Variants in ADK observed in about 807,000 individuals in gnomAD.
ADK encodes adenosine kinase.
In ADK, 24 loss-of-function variants were observed where a neutral mutation model predicts 44.7. The observed-to-expected ratio is 0.54, with a 90% CI of 0.39 to 0.76. ADK has a LOEUF of 0.76. Among genes scored for constraint, ADK ranks in the 30% least tolerant of loss-of-function variants. The probability of loss-of-function intolerance (pLI) is 0.00; values close to 1 mark genes in which losing one functional copy is unlikely to be tolerated. For missense variants in ADK, 321 were observed against 425.1 expected (o/e 0.76, Z 2.15); for synonymous variants, 128 against 142.6 (o/e 0.90, Z 0.73).
intron 4 of ADK, among the ~76,000 whole-genome samples, chr10:74,379,713 C>T (rs941526801): frequency 3.3e-5 from 5 of 152,176 alleles, no homozygotes; most frequent in East Asian, 1.9e-4. Context: ...GCATGTTTCA[C>T]GTCTCAGTTT....
chr10:74,704,011 G>A (rs1462521447), intron 10 of ADK, among the ~76,000 whole-genome samples: 1 of 152,062 alleles, frequency 6.6e-6, no homozygotes, highest in Non-Finnish European at 1.5e-5. Context: ...TACATTTTAA[G>A]CAGGCTAATA....
At chr10:74,477,757 A>T (rs1467577606) in intron 6 of ADK, among the ~76,000 whole-genome samples, 2 of 152,150 alleles carry the variant, frequency 1.3e-5, no homozygotes, top group Non-Finnish European at 2.9e-5. Flanking sequence ...TATAACATTT[A>T]TATTGTTCTG....
At chr10:74,295,123 C>G (rs1166954436) in intron 3 of ADK, among the ~76,000 whole-genome samples, 2 of 151,544 alleles carry the variant, frequency 1.3e-5, no homozygotes, top group African/African-American at 4.8e-5. Context: ...TCCCAAAGTT[C>G]TGGTATTCAT....
chr10:74,392,281 A>G (rs2132038746), intron 4 of ADK, among the ~76,000 whole-genome samples: 1 of 152,306 alleles, frequency 6.6e-6, no homozygotes, highest in East Asian at 1.9e-4. Flanking sequence ...TTCCACCAAC[A>G]CTGCACAAGG....
chr10:74,406,546 A>T (rs1244676914), intron 6 of ADK, among the ~76,000 whole-genome samples: 1 of 150,644 alleles, frequency 6.6e-6, no homozygotes, highest in Non-Finnish European at 1.5e-5. Context: ...AAGAAGAAGA[A>T]GAAGAAGAAG....
chr10:74,370,664 A>G (rs1383485186), intron 4 of ADK, among the ~76,000 whole-genome samples: 1 of 152,064 alleles, frequency 6.6e-6, no homozygotes, highest in Non-Finnish European at 1.5e-5. Context: ...AGTTTGAAAT[A>G]TGTGTGATTA....
At chr10:74,681,733 C>A (rs960712368) in intron 10 of ADK, among the ~76,000 whole-genome samples, 1 of 151,920 alleles carries the variant, frequency 6.6e-6, no homozygotes, top group Middle Eastern at 3.2e-3. Flanking sequence ...ACCTGTAATC[C>A]CAGCTACTTG....
Position 74,660,359 on chromosome 10 carries a change from T to C in ADK, c.878-9824T>C, listed in dbSNP as rs115949664. On this transcript the variant is annotated intron_variant, in intron 9 of 10. Transcript: ENST00000539909. Reference sequence around the variant, plus strand: ...GCTACCCAGGCTGGTCTCGAACTTATTAGCTGAAACAATCTGCCCATCTCA... The same window carrying C: ...GCTACCCAGGCTGGTCTCGAACTTACTAGCTGAAACAATCTGCCCATCTCA... Among the ~76,000 whole-genome samples, 818 of 152,262 alleles carry C rather than the reference T, an allele frequency of 5.4e-3. 5 individuals are homozygous for C. Among genetic ancestry groups the C allele is most frequent in the African/African-American group, 0.018 (767 of 41,558 alleles).
At chr10:74,641,690 T>C (rs1332651748) in intron 9 of ADK, 2 of 152,214 alleles carry the variant, frequency 1.3e-5, no homozygotes, top group Non-Finnish European at 2.9e-5. Context: ...ACTAGGGAAG[T>C]CTAAAATATT....
At chr10:74,396,880 C>G in intron 5 of ADK, among the ~76,000 whole-genome samples, 1 of 151,732 alleles carries the variant, frequency 6.6e-6, no homozygotes, top group South Asian at 2.1e-4. Flanking sequence ...TGCTTGAACC[C>G]GGAGGCGGAG....
chr10:74,504,227 G>GT (rs1490915639), intron 6 of ADK, among the ~76,000 whole-genome samples: 1 of 151,626 alleles, frequency 6.6e-6, no homozygotes, highest in African/African-American at 2.4e-5. Context: ...AATTACTGTT[G>GT]TTGTTTTTTT....
chr10:74,248,512 C>T (rs1339332358), intron 3 of ADK, among the ~76,000 whole-genome samples: 1 of 152,068 alleles, frequency 6.6e-6, no homozygotes, highest in Non-Finnish European at 1.5e-5. Context: ...GCACGTGCCA[C>T]CACACCTAAT....
chr10:74,559,950 A>G (rs1338074013), intron 7 of ADK, among the ~76,000 whole-genome samples: 2 of 151,322 alleles, frequency 1.3e-5, no homozygotes, highest in Non-Finnish European at 2.9e-5. Flanking sequence ...TTTTTGAGAC[A>G]GGATCTTGCT....
At chr10:74,443,221 G>A (rs1246532137) in intron 6 of ADK, among the ~76,000 whole-genome samples, 4 of 152,114 alleles carry the variant, frequency 2.6e-5, no homozygotes, top group Non-Finnish European at 5.9e-5. Context: ...TAATTGGCTT[G>A]ATAGTGGTGT....
At chr10:74,678,004 G>T (rs1240091261) in intron 10 of ADK, among the ~76,000 whole-genome samples, 8 of 146,942 alleles carry the variant, frequency 5.4e-5, no homozygotes, top group Non-Finnish European at 1.0e-4. Flanking sequence ...AGCCAGGCAG[G>T]GTGGCATGTG....
chr10:74,408,630 A>T (rs1844047853), intron 6 of ADK, among the ~76,000 whole-genome samples: 1 of 152,222 alleles, frequency 6.6e-6, no homozygotes, highest in African/African-American at 2.4e-5. Flanking sequence ...AACTACTAAT[A>T]GTAGTTAATT....
At chr10:74,351,954 A>T (rs1841976398) in intron 4 of ADK, among the ~76,000 whole-genome samples, 1 of 152,172 alleles carries the variant, frequency 6.6e-6, no homozygotes, top group South Asian at 2.1e-4. Flanking sequence ...GTGTTCATGG[A>T]TAGGAAGAAT....
At chr10:74,234,779 C>T (rs1295794604) in intron 3 of ADK, among the ~76,000 whole-genome samples, 1 of 152,054 alleles carries the variant, frequency 6.6e-6, no homozygotes, top group Non-Finnish European at 1.5e-5. Flanking sequence ...TGTAGAACTT[C>T]AATAAGATTG....
chr10:74,583,918 C>T (rs1851449129), intron 7 of ADK, among the ~76,000 whole-genome samples: 1 of 152,180 alleles, frequency 6.6e-6, no homozygotes. Flanking sequence ...CCCTCAGATC[C>T]TCACTGGTTA....
Sources: gnomAD v4.1 joint callset for allele counts (sites outside exome capture counted in the v4.1 genomes callset) on GRCh38, gnomAD v4.1.1 for gene constraint, MANE v1.5 for transcripts, NCBI Gene and HGNC (gene_info 2026-07-23, HGNC 2026-07-21) for gene names.